CHRM3: variants seen among roughly 807,000 people sequenced by gnomAD.
CHRM3 encodes muscarinic acetylcholine receptor M3.
CHRM3 carries 11 observed loss-of-function variants against 41.8 expected under a neutral mutation model. The observed-to-expected ratio is 0.26, with a 90% CI of 0.17 to 0.44. The LOEUF (loss-of-function observed/expected upper bound fraction) is 0.44, where lower values mean the gene tolerates loss of function less well. Ranked by LOEUF, CHRM3 falls within the 20% of genes least tolerant of loss-of-function variation. The probability of loss-of-function intolerance (pLI) is 1.00; values close to 1 mark genes in which losing one functional copy is unlikely to be tolerated. For synonymous variants in CHRM3, 297 were observed against 301.4 expected (o/e 0.99, Z 0.15); for missense variants, 571 against 745.4 (o/e 0.77, Z 2.72).
chr1:239,912,563 G>A lies in CHRM3; in HGVS notation c.*3339G>A, dbSNP rs1680426672. The A allele has an allele frequency of 6.0e-6, 1 of 167,096 alleles. No individual in the cohort carries two copies. Among genetic ancestry groups the A allele is most frequent in the Admixed American group, 6.5e-5 (1 of 15,280 alleles). 10.4% of individuals were successfully genotyped at this position (167,096 alleles called of 1,614,324 possible). ...GGGCTCATTGCTCTGCAGAGCGCTG[G>A]AAGCCCCTTCATGTATCGAGAGAGA... is the stretch of plus-strand genomic sequence containing the variant. On this transcript the variant is annotated 3_prime_UTR_variant, in exon 7 of 7. Transcript: ENST00000676153.
chr1:239,425,013 G>A (rs1662258795), intron 1 of CHRM3, among the ~76,000 whole-genome samples: 1 of 152,198 alleles, frequency 6.6e-6, no homozygotes, highest in Non-Finnish European at 1.5e-5. Context: ...TTCTGGCGGA[G>A]TGATTGACAG....
At chr1:239,841,871 T>C (rs1230607628) in intron 6 of CHRM3, among the ~76,000 whole-genome samples, 1 of 152,214 alleles carries the variant, frequency 6.6e-6, no homozygotes, top group Non-Finnish European at 1.5e-5. Context: ...AGGAAGTGAC[T>C]TGGAGAGAAG....
intron 1 of CHRM3, among the ~76,000 whole-genome samples, chr1:239,486,387 C>T (rs528754000): frequency 1.3e-5 from 2 of 152,242 alleles, no homozygotes; most frequent in Admixed American, 6.5e-5. Context: ...CCACAAACCC[C>T]ATCCAGTGTC....
At chr1:239,405,078 C>T (rs1468026783) in intron 1 of CHRM3, among the ~76,000 whole-genome samples, 4 of 151,902 alleles carry the variant, frequency 2.6e-5, no homozygotes, top group African/African-American at 7.2e-5. Context: ...TTTGCCCATC[C>T]GTTAGGGGAC....
At chr1:239,643,981 A>C (rs1671497204) in intron 4 of CHRM3, among the ~76,000 whole-genome samples, 1 of 152,206 alleles carries the variant, frequency 6.6e-6, no homozygotes, top group Non-Finnish European at 1.5e-5. Flanking sequence ...AAAATGTAAA[A>C]ACCTATTTTA....
At chr1:239,897,017 C>A (rs2102982991) in intron 6 of CHRM3, among the ~76,000 whole-genome samples, 1 of 152,288 alleles carries the variant, frequency 6.6e-6, no homozygotes, top group South Asian at 2.1e-4. Context: ...TATACAGATT[C>A]TATTTCATCC....
At chr1:239,769,129 C>T (rs112038158) in intron 5 of CHRM3, among the ~76,000 whole-genome samples, 1 of 151,684 alleles carries the variant, frequency 6.6e-6, no homozygotes, top group Non-Finnish European at 1.5e-5. Context: ...CCAGGAATTT[C>T]TTCTTTCATT....
chr1:239,613,958 C>T (rs1667343942), intron 3 of CHRM3, among the ~76,000 whole-genome samples: 1 of 152,032 alleles, frequency 6.6e-6, no homozygotes, highest in Non-Finnish European at 1.5e-5. Flanking sequence ...AGTTTGAGAC[C>T]AGCCTCAACA....
intron 1 of CHRM3, among the ~76,000 whole-genome samples, chr1:239,411,300 C>T (rs1430088763): frequency 1.3e-5 from 2 of 152,144 alleles, no homozygotes; most frequent in African/African-American, 4.8e-5. Context: ...TGGATCTGTG[C>T]TCTTAAAGCA....
chr1:239,612,732 C>T (rs1462256665), intron 3 of CHRM3, among the ~76,000 whole-genome samples: 2 of 152,164 alleles, frequency 1.3e-5, no homozygotes, highest in East Asian at 1.9e-4. Flanking sequence ...CAGGAGCTTC[C>T]TCTCAACTGT....
At position 239,485,432 on chromosome 1, in the gene CHRM3, A is replaced by G. The variant is rs1667124096; in HGVS notation, c.-520-7277A>G. Among the ~76,000 whole-genome samples, 3 of 152,220 alleles carry G rather than the reference A, an allele frequency of 2.0e-5. No homozygotes were observed. The South Asian group carries it at 6.2e-4, about 32-fold the overall frequency. ...CCCAAGTAGCTGGGGCTACAGGCAC[A>G]TGCCACCACCTGGCTAATTTTTTAA... On this transcript the variant is annotated intron_variant, in intron 1 of 6. Transcript: ENST00000676153.
At chr1:239,904,568 A>G (rs1244680727) in intron 6 of CHRM3, among the ~76,000 whole-genome samples, 1 of 152,202 alleles carries the variant, frequency 6.6e-6, no homozygotes, top group East Asian at 1.9e-4. Context: ...TCTTGGAAGA[A>G]ATCCTGAATG....
rs1475331331 is a variant in CHRM3, at chr1:239,908,912, G to T, written c.1461G>T (p.Lys487Asn). Residue 487 changes from lysine (K) to asparagine (N), a missense_variant, in exon 7 of 7, where the codon AAG becomes AAT. Lys to Asn is a moderately conservative substitution (Grantham distance 94). Coordinates refer to ENST00000676153, the MANE Select transcript of CHRM3 (RefSeq NM_001375978.1). The surrounding 1 kb of genome is among the most constrained non-coding windows in gnomAD (Gnocchi z 7.2). ...KRKRMSLVKE[K>N]KAAQTLSAIL... is the part of the protein sequence containing the mutation. ...AAAGGATGTCCCTGGTCAAGGAGAA[G>T]AAAGCGGCCCAGACCCTCAGTGCGA... The T allele has an allele frequency of 6.2e-7, 1 of 1,614,124 alleles. No homozygotes were observed. Among genetic ancestry groups the T allele is most frequent in the South Asian group, 1.1e-5 (1 of 91,084 alleles).
At chr1:239,794,143 T>A (rs1669569222) in intron 5 of CHRM3, among the ~76,000 whole-genome samples, 1 of 152,170 alleles carries the variant, frequency 6.6e-6, no homozygotes, top group Non-Finnish European at 1.5e-5. Flanking sequence ...CTGAGAGTTT[T>A]TATTTTCTTC....
chr1:239,538,078 G>T (rs1053328146), intron 2 of CHRM3, among the ~76,000 whole-genome samples: 1 of 151,994 alleles, frequency 6.6e-6, no homozygotes, highest in African/African-American at 2.4e-5. Flanking sequence ...AGAGAAAAAA[G>T]GAAGAAGGAA....
At chr1:239,473,695 G>C (rs766625719) in intron 1 of CHRM3, among the ~76,000 whole-genome samples, 1 of 152,106 alleles carries the variant, frequency 6.6e-6, no homozygotes, top group Admixed American at 6.6e-5. Context: ...CCTGTTCGCT[G>C]TGACACCAAC....
intron 1 of CHRM3, among the ~76,000 whole-genome samples, chr1:239,415,940 T>C (rs963385041): frequency 6.6e-6 from 1 of 152,196 alleles, no homozygotes; most frequent in African/African-American, 2.4e-5. Context: ...TAGATTTTCT[T>C]ACTCGGTAAA....
intron 3 of CHRM3, among the ~76,000 whole-genome samples, chr1:239,586,278 C>T (rs950291256): frequency 1.3e-4 from 19 of 151,850 alleles, no homozygotes; most frequent in Non-Finnish European, 2.8e-4. Context: ...TTTTTTGCTG[C>T]TGTATTTTTG....
chr1:239,804,746 G>A lies in CHRM3; in HGVS notation c.-146-22506G>A, dbSNP rs1184706280. ...CTTCTTCCTAATCGATGCCGAGGAGGCAGCAGAAGATAGAATTATGATTCT... is the reference window on the plus strand; with the variant it reads ...CTTCTTCCTAATCGATGCCGAGGAGACAGCAGAAGATAGAATTATGATTCT... On this transcript the variant is annotated intron_variant, in intron 5 of 6. Transcript: ENST00000676153. 5.3e-5 allele frequency among the ~76,000 whole-genome samples: 8 copies of A among 152,158 alleles called. No homozygotes were observed. The East Asian group carries it at 1.2e-3, about 22-fold the overall frequency.
Sources: gnomAD v4.1 joint callset for allele counts (sites outside exome capture counted in the v4.1 genomes callset) on GRCh38, gnomAD v4.1.1 for gene constraint, Gnocchi (gnomAD v3.1) non-coding constraint, MANE v1.5 for transcripts, NCBI Gene and HGNC (gene_info 2026-07-23, HGNC 2026-07-21) for gene names.